Variants in SLIT2 observed in about 807,000 individuals in gnomAD.
The protein encoded by SLIT2 is slit guidance ligand 2.
A neutral mutation model predicts 185.7 loss-of-function variants in SLIT2; 41 were observed. That is an observed-to-expected ratio of 0.22 (90% CI 0.17 to 0.29). The LOEUF (loss-of-function observed/expected upper bound fraction) is 0.29. Ranked by LOEUF, SLIT2 falls within the 10% of genes least tolerant of loss-of-function variation. SLIT2 has a pLI of 1.00. For missense variants in SLIT2, 1,571 were observed against 1,909.0 expected (o/e 0.82, Z 3.30); for synonymous variants, 693 against 680.2 (o/e 1.02, Z -0.29).
intron 4 of SLIT2, among the ~76,000 whole-genome samples, chr4:20,271,046 C>A (rs973224108): frequency 4.6e-5 from 7 of 152,010 alleles, no homozygotes; most frequent in African/African-American, 1.7e-4. Context: ...GTGAAGCTCA[C>A]TACTGGCTAG....
chr4:20,525,913 A>G (rs906516428), intron 15 of SLIT2, among the ~76,000 whole-genome samples: 3 of 152,160 alleles, frequency 2.0e-5, no homozygotes, highest in Admixed American at 6.5e-5. Context: ...TACCACTTCA[A>G]TCGTAACACT....
intron 4 of SLIT2, among the ~76,000 whole-genome samples, chr4:20,403,580 C>A (rs1726525658): frequency 6.6e-6 from 1 of 151,860 alleles, no homozygotes; most frequent in Non-Finnish European, 1.5e-5. Context: ...AAAAGACTAC[C>A]TACTGGGAGC....
chr4:20,260,472 A>C (rs1712336282), intron 3 of SLIT2, among the ~76,000 whole-genome samples: 1 of 151,872 alleles, frequency 6.6e-6, no homozygotes, highest in African/African-American at 2.4e-5. Flanking sequence ...ATAAAATAAA[A>C]ACATTAATTT....
chr4:20,525,077 CTAATA>C (rs1721166883), intron 14 of SLIT2, 67 bp from the exon 15 acceptor site: 1 of 1,113,286 alleles, frequency 9.0e-7, no homozygotes, highest in Non-Finnish European at 1.4e-6. Flanking sequence ...CATTCTTAAT[CTAATA>C]TAACTCATAT....
In SLIT2 at chr4:20,550,119, C is replaced by G. The variant is rs139950365; in HGVS notation, c.2490-708C>G. On this transcript the variant is annotated intron_variant, in intron 24 of 36. Transcript: ENST00000504154. ...GAGTACCTTTTTCAAAACACTCTTG[C>G]AAACACTGAATATTATTTATTCTTT... Among the ~76,000 whole-genome samples, 40 of 152,182 alleles carry G rather than the reference C, an allele frequency of 2.6e-4. No individual in the cohort carries two copies. The East Asian group carries it at 3.7e-3, about 14-fold the overall frequency.
intron 4 of SLIT2, among the ~76,000 whole-genome samples, chr4:20,461,602 G>C (rs1713717393): frequency 6.6e-6 from 1 of 152,140 alleles, no homozygotes; most frequent in Non-Finnish European, 1.5e-5. Context: ...AAGATGAGAT[G>C]GTAGGTGCGA....
Position 20,542,633 on chromosome 4 carries a change from A to G in SLIT2, c.2276+7A>G. 1.2e-6 allele frequency: 2 copies of G among 1,611,872 alleles called. No individual in the cohort carries two copies. Among genetic ancestry groups the G allele is most frequent in the Non-Finnish European group, 1.7e-6 (2 of 1,179,070 alleles). On this transcript the variant is annotated splice_region_variant and intron_variant, in intron 21 of 36. Coordinates refer to ENST00000504154, the MANE Select transcript of SLIT2 (RefSeq NM_004787.4). ...CAAGAGATGTCACAGAGTTGTAAGT[A>G]GAGCTTGTCTTTCTTTTCTTTTCTT...
rs1560454502 is a variant in SLIT2 at position 20,472,493 on chromosome 4, GATATATATCTAT to G, written c.467+4676_467+4687del. Among the ~76,000 whole-genome samples, 2 of 10,410 alleles carry G rather than the reference GATATATATCTAT, an allele frequency of 1.9e-4. 1 individual carries two copies. The highest frequency in any genetic ancestry group is 1.2e-3 in the African/African-American group (2 of 1,708). The allele number at this position is 10,410 out of a possible 152,430, so 6.8% of individuals were successfully genotyped here. A position where few individuals can be genotyped will look rare whatever the true frequency, so the allele number is the denominator to read the frequency against. Reference sequence around the variant, plus strand: ...ATATATAGATATATATCTATATATAGATATATATCTATATATAGATAGATATATATCTATATA... The same window carrying G: ...ATATATAGATATATATCTATATATAGATATAGATAGATATATATCTATATA... On this transcript the variant is annotated intron_variant, in intron 5 of 36. Coordinates refer to ENST00000504154, the MANE Select transcript of SLIT2 (RefSeq NM_004787.4).
At chr4:20,300,910 T>TG (rs1716980172) in intron 4 of SLIT2, among the ~76,000 whole-genome samples, 1 of 151,512 alleles carries the variant, frequency 6.6e-6, no homozygotes, top group Non-Finnish European at 1.5e-5. Context: ...GGTTTGATTT[T>TG]GAAAAAAAAA....
intron 4 of SLIT2, among the ~76,000 whole-genome samples, chr4:20,455,168 A>C (rs569489015): frequency 6.6e-6 from 1 of 152,234 alleles, no homozygotes; most frequent in Non-Finnish European, 1.5e-5. Context: ...TTTTTTCTCA[A>C]ATTCAAAACA....
In SLIT2 at chr4:20,441,034, G is replaced by A. The variant is rs1373422721; in HGVS notation, c.396-26718G>A. ...GACTTTTTATTCAGAGCCACAACGGGATTAAATGAAAATGACCGAAGCCTC... is the reference window on the plus strand; with the variant it reads ...GACTTTTTATTCAGAGCCACAACGGAATTAAATGAAAATGACCGAAGCCTC... On this transcript the variant is annotated intron_variant, in intron 4 of 36. Transcript: ENST00000504154. 3.4e-5 allele frequency among the ~76,000 whole-genome samples: 5 copies of A among 146,698 alleles called. No individual in the cohort carries two copies. In the East Asian group the frequency reaches 7.9e-4, roughly 23 times the overall value.
At chr4:20,551,262 T>C (rs531682863) in intron 25 of SLIT2, among the ~76,000 whole-genome samples, 1 of 152,312 alleles carries the variant, frequency 6.6e-6, no homozygotes, top group East Asian at 1.9e-4. Context: ...ACATCTCAAG[T>C]ATCACCTTCT....
chr4:20,507,878 A>C (rs149803275), intron 9 of SLIT2, among the ~76,000 whole-genome samples: 1 of 152,046 alleles, frequency 6.6e-6, no homozygotes, highest in Non-Finnish European at 1.5e-5. Flanking sequence ...GACATGAAGA[A>C]TCTTCCAGCG....
At chr4:20,289,908 T>G (rs1045565910) in intron 4 of SLIT2, among the ~76,000 whole-genome samples, 1 of 152,218 alleles carries the variant, frequency 6.6e-6, no homozygotes, top group African/African-American at 2.4e-5. Flanking sequence ...ACCCTGCCTC[T>G]CTACAGCTTC....
chr4:20,493,715 G>T (rs1717989109), intron 9 of SLIT2, among the ~76,000 whole-genome samples: 1 of 152,134 alleles, frequency 6.6e-6, no homozygotes, highest in Admixed American at 6.6e-5. Flanking sequence ...ACTAAGGGCG[G>T]TTGTCAGTTT....
In SLIT2 at chr4:20,619,856, T is replaced by C. The variant is rs537177891; in HGVS notation, c.*847T>C. ...TGTTCCTTGATGCTTTAATATATATTAATTTATAATTATCCTGATATTTTT... is the reference window on the plus strand; with the variant it reads ...TGTTCCTTGATGCTTTAATATATATCAATTTATAATTATCCTGATATTTTT... On this transcript the variant is annotated 3_prime_UTR_variant, in exon 37 of 37. Coordinates refer to ENST00000504154, the MANE Select transcript of SLIT2 (RefSeq NM_004787.4). 20 of 152,232 alleles carry C rather than the reference T, an allele frequency of 1.3e-4. 1 individual carries two copies. Among genetic ancestry groups the C allele is most frequent in the African/African-American group, 4.1e-4 (17 of 41,530 alleles). The allele number at this position is 152,232 out of a possible 1,614,324, so 9.4% of individuals were successfully genotyped here. A position where few individuals can be genotyped will look rare whatever the true frequency, so the allele number is the denominator to read the frequency against.
At chr4:20,256,424 C>T (rs1037409445) in intron 1 of SLIT2, among the ~76,000 whole-genome samples, 4 of 151,914 alleles carry the variant, frequency 2.6e-5, no homozygotes, top group African/African-American at 7.3e-5. Flanking sequence ...ACAAAACAAA[C>T]GAAAACTTTT....
intron 25 of SLIT2, among the ~76,000 whole-genome samples, chr4:20,551,467 T>G (rs760025747): frequency 6.6e-6 from 1 of 152,230 alleles, no homozygotes; most frequent in Non-Finnish European, 1.5e-5. Flanking sequence ...CCATAGTTTT[T>G]GGAAGTACAG....
At chr4:20,606,495 G>A (rs1728807527) in intron 33 of SLIT2, among the ~76,000 whole-genome samples, 1 of 149,622 alleles carries the variant, frequency 6.7e-6, no homozygotes, top group Non-Finnish European at 1.5e-5. Flanking sequence ...AAAAAAAAAG[G>A]AATCTAAAAT....
Sources: gnomAD v4.1 joint callset for allele counts (sites outside exome capture counted in the v4.1 genomes callset) on GRCh38, gnomAD v4.1.1 for gene constraint, MANE v1.5 for transcripts, NCBI Gene and HGNC (gene_info 2026-07-23, HGNC 2026-07-21) for gene names.